Variants in LYST observed in about 807,000 individuals in gnomAD.
LYST encodes the protein lysosomal trafficking regulator.
Under a neutral mutation model 413.6 loss-of-function variants are expected in LYST, and 192 were observed. That is an observed-to-expected ratio of 0.46 (90% confidence interval 0.41 to 0.52). LYST has a LOEUF of 0.52. Among genes scored for constraint, LYST ranks in the 20% least tolerant of loss-of-function variants. The pLI, the probability that LYST is intolerant of heterozygous loss-of-function variation, is 0.00. For missense variants in LYST, 3,815 were observed against 4,499.9 expected (o/e 0.85, Z 4.35); for synonymous variants, 1,525 against 1,567.3 (o/e 0.97, Z 0.64).
At chr1:235,663,819 C>G (rs915279857) in intron 52 of LYST, among the ~76,000 whole-genome samples, 165 bp downstream of exon 52, 1 of 152,170 alleles carries the variant, frequency 6.6e-6, no homozygotes, top group Non-Finnish European at 1.5e-5. Flanking sequence ...GGAGTGTGGT[C>G]TCTCTTGCTG....
chr1:235,726,744 G>C (rs1270031678), intron 38 of LYST, among the ~76,000 whole-genome samples: 1 of 152,178 alleles, frequency 6.6e-6, no homozygotes, highest in African/African-American at 2.4e-5. Flanking sequence ...CCCAGACCAA[G>C]TATTTGTGAA....
At chr1:235,815,826 G>C (rs1487546647) in intron 3 of LYST, among the ~76,000 whole-genome samples, 1 of 152,078 alleles carries the variant, frequency 6.6e-6, no homozygotes, top group Non-Finnish European at 1.5e-5. Flanking sequence ...TTCATGAATA[G>C]AAAGAAACAA....
At chr1:235,709,941 G>A (rs1662279929) in intron 43 of LYST, among the ~76,000 whole-genome samples, 1 of 139,756 alleles carries the variant, frequency 7.2e-6, no homozygotes, top group Non-Finnish European at 1.5e-5. Context: ...TGATGTAAAT[G>A]AGCTAATATC....
chr1:235,739,590 C>A (rs1665153410), intron 31 of LYST, among the ~76,000 whole-genome samples: 2 of 137,594 alleles, frequency 1.5e-5, no homozygotes, highest in African/African-American at 5.5e-5. Flanking sequence ...CTAAAACCCA[C>A]AATAAACCTT....
At chr1:235,711,049 T>C (rs1662367869) in intron 43 of LYST, among the ~76,000 whole-genome samples, 1 of 152,234 alleles carries the variant, frequency 6.6e-6, no homozygotes, top group South Asian at 2.1e-4. Flanking sequence ...CTGAGCTGTT[T>C]CTGAACTTCT....
chr1:235,734,269 A>G (rs1664628043), intron 32 of LYST, among the ~76,000 whole-genome samples: 1 of 152,120 alleles, frequency 6.6e-6, no homozygotes, highest in South Asian at 2.1e-4. Flanking sequence ...GCTACTGATA[A>G]TGGATACTGA....
At chr1:235,711,596 T>C (rs1004515498) in intron 43 of LYST, among the ~76,000 whole-genome samples, 8 of 152,176 alleles carry the variant, frequency 5.3e-5, no homozygotes, top group Non-Finnish European at 1.0e-4. Context: ...TCACAGAAAA[T>C]TTGATTTTAT....
chr1:235,709,462 C>G (rs1662233529), intron 43 of LYST, among the ~76,000 whole-genome samples, 154 bp from the exon 44 acceptor site: 1 of 150,680 alleles, frequency 6.6e-6, no homozygotes. Flanking sequence ...ATAAGAAACA[C>G]CACTGCTCAT....
chr1:235,838,192 G>A (rs1676780801), intron 1 of LYST, among the ~76,000 whole-genome samples: 1 of 152,194 alleles, frequency 6.6e-6, no homozygotes, highest in African/African-American at 2.4e-5. Flanking sequence ...TGAGAAGTGG[G>A]AAGGAGGTGT....
intron 46 of LYST, 133 bp from the exon 47 acceptor site, chr1:235,693,619 C>A: frequency 2.1e-6 from 2 of 932,798 alleles, no homozygotes; most frequent in Non-Finnish European, 3.3e-6. Context: ...ATCTTTAAAT[C>A]TCTAAAATGG....
At chr1:235,685,657 C>T (rs1237036320) in intron 48 of LYST, among the ~76,000 whole-genome samples, 1 of 151,908 alleles carries the variant, frequency 6.6e-6, no homozygotes, top group Non-Finnish European at 1.5e-5. Flanking sequence ...ACCAGTCTGA[C>T]CAACATGGCG....
chr1:235,831,196 T>A (rs74148836), intron 2 of LYST, among the ~76,000 whole-genome samples: 9,469 of 152,122 alleles, frequency 0.062, 985 homozygotes, highest in African/African-American at 0.22. Context: ...AAATAAGACA[T>A]GTATTGCCTC....
At chr1:235,882,680 A>G (rs1013152138) in intron 1 of LYST, among the ~76,000 whole-genome samples, 3 of 152,200 alleles carry the variant, frequency 2.0e-5, no homozygotes, top group African/African-American at 7.2e-5. Context: ...TAGCCTTAGC[A>G]TAGATCAGAA....
At chr1:235,667,158 A>T (rs538847382) in intron 50 of LYST, among the ~76,000 whole-genome samples, 127 of 152,368 alleles carry the variant, frequency 8.3e-4, no homozygotes, top group African/African-American at 2.9e-3. Context: ...ACTAAAAGTC[A>T]GAAACCTAGG....
At chr1:235,770,421 G>A (rs1668555872) in intron 19 of LYST, 124 bp from the exon 20 acceptor site, 5 of 910,594 alleles carry the variant, frequency 5.5e-6, no homozygotes, top group Non-Finnish European at 7.2e-6. Flanking sequence ...AAGATTACAT[G>A]TCTGCAAAAA....
intron 9 of LYST, among the ~76,000 whole-genome samples, 161 bp from the exon 10 acceptor site, chr1:235,800,547 T>C (rs1451827687): frequency 6.6e-6 from 1 of 152,202 alleles, no homozygotes; most frequent in African/African-American, 2.4e-5. Context: ...ATACTAATTT[T>C]CATTTTCTTT....
At chr1:235,707,492 G>A (rs1308627740) in intron 44 of LYST, among the ~76,000 whole-genome samples, 1 of 151,834 alleles carries the variant, frequency 6.6e-6, no homozygotes, top group African/African-American at 2.4e-5. Context: ...GTGCGGTGGT[G>A]GGCGCCTGTA....
chr1:235,770,246 C>G lies in LYST; in HGVS notation c.5836G>C (p.Asp1946His). Residue 1946 changes from aspartate to histidine, a missense_variant, in exon 20 of 53, where the codon GAT becomes CAT. Coordinates refer to ENST00000389793, the MANE Select transcript of LYST (RefSeq NM_000081.4). The stretch of plus-strand genomic sequence containing the variant: ...ATATTAAACATCTGCTGGTGGTGAT[C>G]TGCTCTGATGAGGACTTCTAGAGCT... ...LAALEVLIRA[D>H]HHQQMFNIKQ... 6.2e-7 allele frequency: 1 copy of G among 1,613,756 alleles called. No homozygotes were observed. The highest frequency in any genetic ancestry group is 1.7e-5 in the Admixed American group (1 of 59,966).
At position 235,812,974 on chromosome 1, in the gene LYST, T is replaced by C. The variant is rs886046182; in HGVS notation, c.280A>G (p.Thr94Ala). 6.3e-7 allele frequency: 1 copy of C among 1,599,548 alleles called. No individual in the cohort carries two copies. Among genetic ancestry groups the C allele is most frequent in the Non-Finnish European group, 8.6e-7 (1 of 1,166,982 alleles). Residue 94 changes from threonine (T) to alanine (A), a missense_variant, in exon 4 of 53, where the codon ACA (threonine) becomes GCA (alanine). Transcript: ENST00000389793. ...WKIPVQEEKATDFNLPLSADI... is the reference protein window; with the variant it reads ...WKIPVQEEKAADFNLPLSADI... ...ATGATAAAGGGAAAAAGCATACCTG[T>C]TGCCTTTTCTTCTTGGACAGGTATC... is the stretch of plus-strand genomic sequence containing the variant.
Sources: allele counts gnomAD v4.1 joint callset (sites outside exome capture counted in the v4.1 genomes callset), GRCh38; gene constraint gnomAD v4.1.1; transcripts MANE v1.5; gene names NCBI Gene and HGNC (gene_info 2026-07-23, HGNC 2026-07-21).